WDR53: variants seen among roughly 807,000 people sequenced by gnomAD.
WDR53 encodes WD repeat-containing protein 53.
In WDR53, 19 loss-of-function variants were observed where a neutral mutation model predicts 21.3. That is an observed-to-expected ratio of 0.89 (90% CI 0.62 to 1.31). The LOEUF (loss-of-function observed/expected upper bound fraction) is 1.31. Ranked by LOEUF, WDR53 falls within the 50% of genes most tolerant of loss-of-function variation. The pLI is 0.00. For synonymous variants in WDR53, 157 were observed against 163.4 expected (o/e 0.96, Z 0.30); for missense variants, 374 against 423.2 (o/e 0.88, Z 1.02).
chr3:196,557,779 C>CTTTTTT (rs1433906537), intron 3 of WDR53, among the ~76,000 whole-genome samples: 1 of 127,790 alleles, frequency 7.8e-6, no homozygotes, highest in African/African-American at 2.9e-5. Flanking sequence ...AATTTTTTTT[C>CTTTTTT]TTTTCTTTTT....
chr3:196,557,142 C>G (rs1269537381), intron 3 of WDR53, among the ~76,000 whole-genome samples: 2 of 152,146 alleles, frequency 1.3e-5, no homozygotes, highest in Admixed American at 6.6e-5. Context: ...AGTGGGGAAC[C>G]AGCAAATGTT....
At chr3:196,556,800 C>T (rs1183921997) in intron 3 of WDR53, among the ~76,000 whole-genome samples, 1 of 152,112 alleles carries the variant, frequency 6.6e-6, no homozygotes, top group Non-Finnish European at 1.5e-5. Flanking sequence ...CCTCCAAAGA[C>T]ATTCAAACAT....
Position 196,554,650 on chromosome 3 carries a change from C to T in WDR53, c.638G>A (p.Ser213Asn). The T allele has an allele frequency of 1.9e-6, 3 of 1,614,152 alleles. No individual in the cohort carries two copies. The highest frequency in any genetic ancestry group is 2.5e-6 in the Non-Finnish European group (3 of 1,180,020). ...AACCTTACCATCTTCTGCACCACAA[C>T]TAAAAATATTACCACACGAAGCCAC... ...ISVASCGNIF[S>N]CGAEDGKVRI... Residue 213 changes from serine to asparagine, a missense_variant, in exon 4 of 4, where the codon AGT (serine) becomes AAT (asparagine). By Grantham distance (46) the Ser-to-Asn change is conservative (BLOSUM62 1). Transcript: ENST00000332629.
chr3:196,556,107 A>G (rs1225988841), intron 3 of WDR53, among the ~76,000 whole-genome samples: 1 of 152,040 alleles, frequency 6.6e-6, no homozygotes, highest in Non-Finnish European at 1.5e-5. Flanking sequence ...GTGCAGTGGC[A>G]TGACCATGGC....
intron 3 of WDR53, among the ~76,000 whole-genome samples, chr3:196,555,300 C>A (rs1200523627): frequency 6.6e-6 from 1 of 152,182 alleles, no homozygotes; most frequent in East Asian, 1.9e-4. Flanking sequence ...AGTCCTGGTG[C>A]CTCCAAGAAG....
chr3:196,563,926 T>A (rs1387784711), intron 2 of WDR53, among the ~76,000 whole-genome samples: 1 of 152,230 alleles, frequency 6.6e-6, no homozygotes, highest in Non-Finnish European at 1.5e-5. Context: ...AAAAAATCAC[T>A]GATCTATTAG....
intron 3 of WDR53, among the ~76,000 whole-genome samples, chr3:196,559,224 T>C (rs1734601190): frequency 6.6e-6 from 1 of 152,216 alleles, no homozygotes; most frequent in African/African-American, 2.4e-5. Flanking sequence ...TATAGGTCTT[T>C]CTTTACAACC....
At chr3:196,556,846 C>T (rs1577560811) in intron 3 of WDR53, among the ~76,000 whole-genome samples, 2 of 152,024 alleles carry the variant, frequency 1.3e-5, no homozygotes, top group African/African-American at 4.8e-5. Flanking sequence ...GCTGAAACAC[C>T]TTTTGTATTT....
intron 2 of WDR53, among the ~76,000 whole-genome samples, chr3:196,562,776 A>C (rs915334922): frequency 5.3e-5 from 8 of 152,202 alleles, no homozygotes; most frequent in Non-Finnish European, 8.8e-5. Context: ...GAGTCTCAGA[A>C]ATGTTAAATA....
Position 196,554,775 on chromosome 3 carries a change from T to C in WDR53, c.513A>G (p.Pro171=). The C allele has an allele frequency of 1.2e-6, 2 of 1,613,962 alleles. No homozygotes were observed. The highest frequency in any genetic ancestry group is 1.7e-6 in the Non-Finnish European group (2 of 1,179,992). The change falls in exon 4 of 4, where the codon CCA becomes CCG. Residue 171 remains proline, a synonymous_variant. Transcript: ENST00000332629. ...CCTCCTGTAAATTTGTAATCCAGAG[T>C]GGTCGGGCTTTTTGAAGACTCCACA... ...VMLWSLQKAR[P]LWITNLQEDE... is the part of the protein sequence containing the mutation.
At position 196,561,407 on chromosome 3, in the gene WDR53, C is replaced by T. The variant is rs1174231727; in HGVS notation, c.69G>A (p.Leu23=). 6.2e-7 allele frequency: 1 copy of T among 1,614,142 alleles called. No homozygotes were observed. The highest frequency in any genetic ancestry group is 2.2e-5 in the East Asian group (1 of 44,884). The part of the protein sequence containing the change: ...VLCLNASKEG[L]LASGAEGGDL... ...CTCCGCCCTCTGCTCCAGAAGCCAG[C>T]AGCCCTTCTTTACTTGCATTCAGGC... The change falls in exon 3 of 4, where the codon CTG becomes CTA. Residue 23 remains leucine (L), a synonymous_variant. Coordinates refer to ENST00000332629, the MANE Select transcript of WDR53 (RefSeq NM_182627.3).
At chr3:196,559,568 A>T (rs1734632012) in intron 3 of WDR53, among the ~76,000 whole-genome samples, 1 of 152,178 alleles carries the variant, frequency 6.6e-6, no homozygotes, top group Admixed American at 6.6e-5. Flanking sequence ...GGTAAAGACC[A>T]CTAGCCAAGA....
At position 196,561,354 on chromosome 3, in the gene WDR53, G is replaced by A. The variant is rs199721313; in HGVS notation, c.122C>T (p.Thr41Ile). 1.2e-6 allele frequency: 2 copies of A among 1,614,108 alleles called. No homozygotes were observed. The highest frequency in any genetic ancestry group is 1.7e-6 in the Non-Finnish European group (2 of 1,180,024). ...GDLTAWGEDG[T>I]PLGHTRFQGA... ...TTGGAACCGCGTGTGTCCTAATGGA[G>A]TTCCATCTTCACCCCAAGCCGTGAG... The change falls in exon 3 of 4, where the codon ACT (threonine) becomes ATT (isoleucine). Residue 41 changes from threonine to isoleucine, a missense_variant. By Grantham distance (89) the Thr-to-Ile change is moderately conservative. Transcript: ENST00000332629.
intron 2 of WDR53, among the ~76,000 whole-genome samples, chr3:196,566,097 G>T (rs993679713): frequency 8.0e-5 from 12 of 149,096 alleles, no homozygotes; most frequent in Non-Finnish European, 1.5e-4. Context: ...TTTTTCTTGT[G>T]TTTTTTTTTT....
rs562603698 is a variant in WDR53 at position 196,560,993 on chromosome 3, C to T, written c.480+3G>A. On this transcript the variant is annotated splice_donor_region_variant and intron_variant, in intron 3 of 3. Transcript: ENST00000332629. Reference sequence around the variant, plus strand: ...CCCCAAGTACTCTGTGCAAAAGCATCACCTGCATATCCAGTCCACATGACA... The same window carrying T: ...CCCCAAGTACTCTGTGCAAAAGCATTACCTGCATATCCAGTCCACATGACA... The T allele has an allele frequency of 9.3e-6, 15 of 1,605,820 alleles. No individual in the cohort carries two copies. The South Asian group carries it at 1.6e-4, about 17-fold the overall frequency.
intron 1 of WDR53, among the ~76,000 whole-genome samples, chr3:196,567,682 T>A (rs1214756589): frequency 6.6e-6 from 1 of 152,116 alleles, no homozygotes; most frequent in Non-Finnish European, 1.5e-5. Context: ...CTAAGCATGC[T>A]TTAAAGGCTG....
intron 3 of WDR53, among the ~76,000 whole-genome samples, chr3:196,560,660 T>G (rs1734747950): frequency 6.6e-6 from 1 of 152,250 alleles, no homozygotes; most frequent in South Asian, 2.1e-4. Context: ...ACTTTTTGTT[T>G]AAACAGAGTT....
chr3:196,562,564 A>G (rs1481984298), intron 2 of WDR53, among the ~76,000 whole-genome samples: 1 of 152,094 alleles, frequency 6.6e-6, no homozygotes, highest in Non-Finnish European at 1.5e-5. Context: ...GCCCGGCTGC[A>G]ATGTGTTTTA....
intron 2 of WDR53, among the ~76,000 whole-genome samples, chr3:196,562,042 T>C (rs1319292444): frequency 6.6e-6 from 1 of 152,184 alleles, no homozygotes; most frequent in Non-Finnish European, 1.5e-5. Context: ...ACATAATGAA[T>C]CCTCAACAAG....
Sources: gnomAD v4.1 joint callset for allele counts (sites outside exome capture counted in the v4.1 genomes callset) on GRCh38, gnomAD v4.1.1 for gene constraint, MANE v1.5 for transcripts, NCBI Gene and HGNC (gene_info 2026-07-23, HGNC 2026-07-21) for gene names.